Variants in ARFGEF3 observed in about 807,000 individuals in gnomAD.
The protein encoded by ARFGEF3 is ARFGEF family member 3.
Under a neutral mutation model 221.7 loss-of-function variants are expected in ARFGEF3, and 96 were observed. The ratio of observed to expected loss-of-function variants is 0.43; its 90% CI spans 0.37 to 0.51. The LOEUF (loss-of-function observed/expected upper bound fraction) is 0.51. ARFGEF3 is among the 20% of genes least tolerant of loss of function. ARFGEF3 has a pLI of 0.00. For synonymous variants in ARFGEF3, 1,145 were observed against 1,126.8 expected, an observed-to-expected ratio of 1.02 and a Z score of -0.32; for missense variants, 2,410 against 2,789.9, an observed-to-expected ratio of 0.86 and a Z score of 3.07.
chr6:138,278,667 C>G (rs765663681), intron 13 of ARFGEF3, 50 bp downstream of exon 13: 1 of 1,591,286 alleles, frequency 6.3e-7, no homozygotes, highest in Non-Finnish European at 8.6e-7. Context: ...CTGTAACTTC[C>G]TGGTGTACAG....
intron 22 of ARFGEF3, among the ~76,000 whole-genome samples, chr6:138,303,860 C>CAAAAAAAAA (rs140349507): frequency 2.4e-4 from 5 of 20,614 alleles, no homozygotes; most frequent in East Asian, 2.4e-3. Flanking sequence ...GACTCCGTCT[C>CAAAAAAAAA]AAAAAAAAAA....
intron 26 of ARFGEF3, among the ~76,000 whole-genome samples, chr6:138,315,751 T>C (rs1779913488): frequency 6.6e-6 from 1 of 151,728 alleles, no homozygotes; most frequent in African/African-American, 2.4e-5. Context: ...CTTGGGAGGC[T>C]GAAGCAGAGA....
intron 2 of ARFGEF3, among the ~76,000 whole-genome samples, chr6:138,194,217 A>C (rs1371863967): frequency 6.6e-6 from 1 of 151,684 alleles, no homozygotes; most frequent in South Asian, 2.1e-4. Context: ...GCGGTGAGCC[A>C]AGATCATGCT....
intron 4 of ARFGEF3, among the ~76,000 whole-genome samples, chr6:138,220,312 CT>C (rs1777960012): frequency 6.6e-6 from 1 of 152,150 alleles, no homozygotes; most frequent in Non-Finnish European, 1.5e-5. Flanking sequence ...CTATTTCTTG[CT>C]TTATACTTTA....
At chr6:138,243,819 G>A (rs1241382475) in intron 7 of ARFGEF3, among the ~76,000 whole-genome samples, 1 of 152,148 alleles carries the variant, frequency 6.6e-6, no homozygotes, top group Admixed American at 6.5e-5. Flanking sequence ...CACGCCTTAA[G>A]TCACATTCTA....
In ARFGEF3 at chr6:138,195,301, G is replaced by A. The variant is rs115114728; in HGVS notation, c.138-11741G>A. On this transcript the variant is annotated intron_variant, in intron 2 of 33. Transcript: ENST00000251691. ...TTACAGGTGTGAGCCACCGCACCTG[G>A]CAACCTTTTTCCTAATTCTGAAGGT... Among the ~76,000 whole-genome samples the A allele has an allele frequency of 2.7e-3, 404 of 152,030 alleles. 5 individuals carry two copies. The highest frequency in any genetic ancestry group is 9.2e-3 in the African/African-American group (383 of 41,434).
rs1780291603 is a variant in ARFGEF3, at chr6:138,334,819, C to T, written c.5973C>T (p.Ser1991=). The T allele has an allele frequency of 6.2e-7, 1 of 1,601,544 alleles. No individual in the cohort carries two copies. Among genetic ancestry groups the T allele is most frequent in the African/African-American group, 1.3e-5 (1 of 74,580 alleles). ...AGGGDLLLPP[S]PKVEKKDPSR... ...GTGGGGACCTGCTGCTGCCCCCCAG[C>T]CCCAAAGTGGAGAAGAAGGATCCCA... The change falls in exon 33 of 34, where the codon AGC becomes AGT. Residue 1991 remains serine, a synonymous_variant. Transcript: ENST00000251691. The surrounding 1 kb of genome is among the most constrained non-coding windows in gnomAD (Gnocchi z 5.1).
At position 138,336,621 on chromosome 6, in the gene ARFGEF3, GTAAAAAGCCTT is replaced by G; in HGVS notation, c.*137_*147del. The G allele has an allele frequency of 1.5e-6, 1 of 684,224 alleles. No individual in the cohort carries two copies. The highest frequency in any genetic ancestry group is 2.3e-6 in the Non-Finnish European group (1 of 435,718). 42.4% of individuals were successfully genotyped at this position (684,224 alleles called of 1,614,324 possible). On this transcript the variant is annotated 3_prime_UTR_variant, in exon 34 of 34. Transcript: ENST00000251691. Reference sequence around the variant, plus strand: ...GTCTCAGAGAACAGTGTTTCCTAATGTAAAAAGCCTTTCCAACCACTGATCAGCATTGGGGC... The same window carrying G: ...GTCTCAGAGAACAGTGTTTCCTAATGTCCAACCACTGATCAGCATTGGGGC...
chr6:138,176,660 G>A (rs1369707628), intron 2 of ARFGEF3, among the ~76,000 whole-genome samples: 1 of 151,728 alleles, frequency 6.6e-6, no homozygotes, highest in African/African-American at 2.4e-5. Flanking sequence ...CTCTCTTGTT[G>A]CCATTCATTC....
chr6:138,284,169 G>A (rs951750007), intron 14 of ARFGEF3, among the ~76,000 whole-genome samples: 1 of 152,122 alleles, frequency 6.6e-6, no homozygotes, highest in African/African-American at 2.4e-5. Context: ...GCTAGGTGTG[G>A]TGGCACATAC....
intron 22 of ARFGEF3, among the ~76,000 whole-genome samples, chr6:138,300,816 T>C (rs1326603493): frequency 1.3e-5 from 2 of 152,166 alleles, no homozygotes; most frequent in Non-Finnish European, 2.9e-5. Flanking sequence ...TTAAATAGAT[T>C]AGTCATAAGA....
At chr6:138,257,492 G>A (rs1274679869) in intron 10 of ARFGEF3, among the ~76,000 whole-genome samples, 2 of 152,216 alleles carry the variant, frequency 1.3e-5, no homozygotes, top group Admixed American at 6.5e-5. Flanking sequence ...TCATAGAAGT[G>A]TGATGCCAAA....
chr6:138,217,974 G>C (rs372375710), intron 4 of ARFGEF3: 1 of 1,583,122 alleles, frequency 6.3e-7, no homozygotes, highest in Admixed American at 1.8e-5. Flanking sequence ...AGGCTTTGCA[G>C]CAGGGCTGAG....
chr6:138,214,849 A>G (rs1444520869), intron 4 of ARFGEF3, among the ~76,000 whole-genome samples: 2 of 152,336 alleles, frequency 1.3e-5, no homozygotes, highest in Middle Eastern at 3.4e-3. Context: ...CACTTAGTCT[A>G]GGAACTATTC....
Position 138,210,050 on chromosome 6 carries a change from G to C in ARFGEF3, c.351+9G>C, listed in dbSNP as rs765246285. 3.7e-6 allele frequency: 6 copies of C among 1,613,128 alleles called. No individual in the cohort carries two copies. Among genetic ancestry groups the C allele is most frequent in the South Asian group, 1.1e-5 (1 of 90,972 alleles). ...AGGTGGAAGTGATGAAGGTTGGTTT[G>C]ACGTGGCCAAGAGTGTGCGTCACTG... is the stretch of plus-strand genomic sequence containing the variant. On this transcript the variant is annotated intron_variant, in intron 4 of 33. Transcript: ENST00000251691.
chr6:138,211,797 G>A (rs1485957088), intron 4 of ARFGEF3, among the ~76,000 whole-genome samples: 1 of 152,158 alleles, frequency 6.6e-6, no homozygotes, highest in East Asian at 1.9e-4. Flanking sequence ...TTGAAAACTT[G>A]TACTTGCTTT....
chr6:138,291,997 C>T lies in ARFGEF3; in HGVS notation c.3312C>T (p.Leu1104=). The part of the protein sequence containing the change: ...GRASDFRGGS[L]MSGSSAAKVV... ...CCTCCGACTTCCGCGGCGGGAGCCT[C>T]ATGAGCGGGAGCAGCGCGGCCAAGG... Residue 1104 remains leucine, a synonymous_variant, in exon 19 of 34, where the codon CTC becomes CTT. Transcript: ENST00000251691. The surrounding 1 kb of genome is among the most constrained non-coding windows in gnomAD (Gnocchi z 4.5). 1 of 1,536,814 alleles carries T rather than the reference C, an allele frequency of 6.5e-7. No individual in the cohort carries two copies. Among genetic ancestry groups the T allele is most frequent in the Non-Finnish European group, 8.7e-7 (1 of 1,146,360 alleles).
In ARFGEF3 at chr6:138,336,408, C is replaced by T. The variant is rs1199719150; in HGVS notation, c.6456C>T (p.His2152=). 3 of 1,613,530 alleles carry T rather than the reference C, an allele frequency of 1.9e-6. No individual in the cohort carries two copies. Among genetic ancestry groups the T allele is most frequent in the Non-Finnish European group, 2.5e-6 (3 of 1,179,712 alleles). Residue 2152 remains histidine, a synonymous_variant, in exon 34 of 34, where the codon CAC becomes CAT. Coordinates refer to ENST00000251691, the MANE Select transcript of ARFGEF3 (RefSeq NM_020340.5). ...CGTGCATCAGTCAGCTGACCTGTCA[C>T]GTGACCGACATCAGAGTTCGCCAGG... ...VFPCISQLTC[H]VTDIRVRQAV...
chr6:138,273,272 C>T (rs1380221797), intron 12 of ARFGEF3, among the ~76,000 whole-genome samples: 3 of 151,960 alleles, frequency 2.0e-5, no homozygotes, highest in Admixed American at 2.0e-4. Context: ...AATGTTTATC[C>T]AAAAAAGAAG....
Sources: gnomAD v4.1 joint callset for allele counts (sites outside exome capture counted in the v4.1 genomes callset) on GRCh38, gnomAD v4.1.1 for gene constraint, Gnocchi (gnomAD v3.1) non-coding constraint, MANE v1.5 for transcripts, NCBI Gene and HGNC (gene_info 2026-07-23, HGNC 2026-07-21) for gene names.